KLF12: variants seen among roughly 807,000 people sequenced by gnomAD.
KLF12 encodes Krueppel-like factor 12.
Under a neutral mutation model 37.8 loss-of-function variants are expected in KLF12, and 9 were observed. The observed-to-expected ratio is 0.24, with a 90% CI of 0.14 to 0.42. The LOEUF is 0.42. Ranked by LOEUF, KLF12 falls within the 10% of genes least tolerant of loss-of-function variation. The pLI is 1.00. For synonymous variants in KLF12, 208 were observed against 202.1 expected (o/e 1.03, Z -0.25); for missense variants, 411 against 516.0 (o/e 0.80, Z 1.97).
At chr13:74,105,244 T>A (rs1290493148) in intron 1 of KLF12, among the ~76,000 whole-genome samples, 1 of 152,226 alleles carries the variant, frequency 6.6e-6, no homozygotes, top group African/African-American at 2.4e-5. Context: ...GACTTAGCAA[T>A]TTCAGAATTC....
intron 1 of KLF12, among the ~76,000 whole-genome samples, chr13:74,115,433 G>C (rs1216653606): frequency 1.3e-5 from 2 of 152,120 alleles, no homozygotes; most frequent in Admixed American, 1.3e-4. Context: ...CACCGGGCAT[G>C]GTGGTTCACT....
the KLF12 span, among the ~76,000 whole-genome samples, chr13:74,152,885 G>GATAATAATA: frequency 2.0e-4 from 28 of 139,026 alleles, no homozygotes; most frequent in South Asian, 7.2e-4. Flanking sequence ...CCCCATTACA[G>GATAATAATA]ATAATAATAA....
rs541153815 is a variant in KLF12, at chr13:74,084,326, C to T, written c.-32+49413G>A. 2.0e-4 allele frequency among the ~76,000 whole-genome samples: 30 copies of T among 152,312 alleles called. No individual in the cohort carries two copies. The South Asian group carries it at 6.2e-3, about 32-fold the overall frequency. ...AAAGCTCCTCACTCTATTACAAATG[C>T]AGCAGAATCCCACAGATCATCCTAT... On this transcript the variant is annotated intron_variant, in intron 1 of 7. Coordinates refer to ENST00000377669, the MANE Select transcript of KLF12 (RefSeq NM_007249.5).
At chr13:74,019,058 TA>T (rs1892773306) in intron 1 of KLF12, among the ~76,000 whole-genome samples, 1 of 152,214 alleles carries the variant, frequency 6.6e-6, no homozygotes. Flanking sequence ...TTTTAATTTA[TA>T]ATAACATATT....
rs71115643 is a variant in KLF12, at chr13:74,125,144, C to CAAAAA, written c.-32+8590_-32+8594dup. Among the ~76,000 whole-genome samples the CAAAAA allele has an allele frequency of 4.2e-3, 504 of 121,440 alleles. 3 individuals are homozygous for CAAAAA. The East Asian group carries it at 0.044, about 11-fold the overall frequency. The allele number at this position is 121,440 out of a possible 152,430, so 79.7% of individuals were successfully genotyped here. ...TGAGCAACAGAGCAAGACTCCGTTT[C>CAAAAA]AAAAAAAAAAATATATATATATACA... On this transcript the variant is annotated intron_variant, in intron 1 of 7. Transcript: ENST00000377669.
intron 1 of KLF12, among the ~76,000 whole-genome samples, chr13:74,039,418 AG>A (rs1235671380): frequency 3.3e-5 from 5 of 152,088 alleles, no homozygotes; most frequent in African/African-American, 1.2e-4. Context: ...CCGTAGTCCC[AG>A]CTACTTGGGA....
the KLF12 span, among the ~76,000 whole-genome samples, chr13:74,219,457 C>G: frequency 6.6e-6 from 1 of 152,142 alleles, no homozygotes; most frequent in South Asian, 2.1e-4. Flanking sequence ...GTACATTTTG[C>G]TTGCTTTCAA....
intron 3 of KLF12, among the ~76,000 whole-genome samples, chr13:73,939,675 T>C (rs1890102935): frequency 6.6e-6 from 1 of 152,142 alleles, no homozygotes; most frequent in Non-Finnish European, 1.5e-5. Flanking sequence ...ACTGACTCAG[T>C]ACCCACCAAA....
chr13:73,700,078 T>C (rs1874432644), intron 7 of KLF12, among the ~76,000 whole-genome samples: 1 of 152,038 alleles, frequency 6.6e-6, no homozygotes, highest in Admixed American at 6.6e-5. Context: ...AAGACCAGCT[T>C]GGGCAATATA....
At chr13:74,275,882 T>TTTC in the KLF12 span, among the ~76,000 whole-genome samples, 301 of 63,550 alleles carry the variant, frequency 4.7e-3, 2 homozygotes, top group Admixed American at 0.011. Context: ...TTCTTTCTTC[T>TTTC]TTCTTTCTTT....
At chr13:74,180,900 T>C in the KLF12 span, among the ~76,000 whole-genome samples, 6 of 152,216 alleles carry the variant, frequency 3.9e-5, no homozygotes, top group Non-Finnish European at 5.9e-5. Context: ...ATTAAGTACA[T>C]TTAATTTTGT....
At chr13:74,089,671 T>C (rs139616867) in intron 1 of KLF12, among the ~76,000 whole-genome samples, 117 of 149,624 alleles carry the variant, frequency 7.8e-4, no homozygotes, top group African/African-American at 2.6e-3. Flanking sequence ...TAATGCACCA[T>C]AGCAAAACCA....
chr13:73,750,624 A>G (rs1196208966), intron 6 of KLF12, among the ~76,000 whole-genome samples: 1 of 152,152 alleles, frequency 6.6e-6, no homozygotes, highest in Non-Finnish European at 1.5e-5. Flanking sequence ...CTTCACAGAA[A>G]AGCATTTTTC....
At chr13:74,014,554 G>A (rs938909103) in intron 1 of KLF12, among the ~76,000 whole-genome samples, 1 of 152,142 alleles carries the variant, frequency 6.6e-6, no homozygotes, top group Admixed American at 6.5e-5. Flanking sequence ...TATGGCTGGA[G>A]AGATATGGAA....
At chr13:74,041,355 T>C (rs1893397504) in intron 1 of KLF12, among the ~76,000 whole-genome samples, 2 of 152,212 alleles carry the variant, frequency 1.3e-5, no homozygotes, top group Non-Finnish European at 2.9e-5. Flanking sequence ...ACTGGCTTTG[T>C]CCCACACAGT....
At chr13:73,724,627 C>G (rs371873623) in intron 6 of KLF12, among the ~76,000 whole-genome samples, 25 of 152,160 alleles carry the variant, frequency 1.6e-4, no homozygotes, top group African/African-American at 6.0e-4. Context: ...TGATTTTGTT[C>G]CTGAAAATTT....
At chr13:73,869,053 A>G (rs1378833537) in intron 3 of KLF12, among the ~76,000 whole-genome samples, 1 of 152,200 alleles carries the variant, frequency 6.6e-6, no homozygotes, top group East Asian at 1.9e-4. Context: ...TTAGTTACAT[A>G]TATCTGTGTT....
intron 2 of KLF12, among the ~76,000 whole-genome samples, chr13:73,946,025 C>T (rs1186448334): frequency 3.9e-5 from 6 of 152,118 alleles, no homozygotes; most frequent in Non-Finnish European, 8.8e-5. Flanking sequence ...GGCTTACCAC[C>T]ATCCAGTCTC....
chr13:74,224,425 A>C, the KLF12 span, among the ~76,000 whole-genome samples: 8 of 152,148 alleles, frequency 5.3e-5, no homozygotes, highest in African/African-American at 1.9e-4. Flanking sequence ...AAAATTTAAC[A>C]ATTAAGCCAG....
Sources: gnomAD v4.1 joint callset for allele counts (sites outside exome capture counted in the v4.1 genomes callset) on GRCh38, gnomAD v4.1.1 for gene constraint, MANE v1.5 for transcripts, NCBI Gene and HGNC (gene_info 2026-07-23, HGNC 2026-07-21) for gene names.